TNFRSF10D: variants seen among roughly 807,000 people sequenced by gnomAD.
TNFRSF10D encodes tumor necrosis factor receptor superfamily member 10D.
A neutral mutation model predicts 42.1 loss-of-function variants in TNFRSF10D; 28 were observed. The observed-to-expected ratio is 0.66, with a 90% confidence interval of 0.49 to 0.91. The LOEUF is 0.91. Among genes scored for constraint, TNFRSF10D ranks in the 40% least tolerant of loss-of-function variants. The probability of loss-of-function intolerance (pLI) is 0.00; values close to 1 mark genes in which losing one functional copy is unlikely to be tolerated. For missense variants in TNFRSF10D, 503 were observed against 486.1 expected, an observed-to-expected ratio of 1.03 and a Z score of -0.33; for synonymous variants, 186 against 189.4, an observed-to-expected ratio of 0.98 and a Z score of 0.15.
chr8:23,160,935 T>C (rs1800358346), intron 1 of TNFRSF10D, among the ~76,000 whole-genome samples: 1 of 152,262 alleles, frequency 6.6e-6, no homozygotes, highest in African/African-American at 2.4e-5. Context: ...ACTTGAACTC[T>C]GGCTCCTCTG....
chr8:23,147,725 G>A (rs1322281918), intron 3 of TNFRSF10D, among the ~76,000 whole-genome samples: 1 of 152,044 alleles, frequency 6.6e-6, no homozygotes, highest in Non-Finnish European at 1.5e-5. Flanking sequence ...TCGGGAGTTC[G>A]AGACCAGCCT....
At chr8:23,147,165 T>A in intron 3 of TNFRSF10D, 93 bp from the exon 4 acceptor site, 1 of 1,072,984 alleles carries the variant, frequency 9.3e-7, no homozygotes, top group Non-Finnish European at 1.4e-6. Context: ...TCAGCTCAAC[T>A]CAGTTCACCA....
rs1366932143 is a variant in TNFRSF10D, at chr8:23,137,562, A to G, written c.*308T>C. 1.5e-5 allele frequency: 3 copies of G among 205,196 alleles called. No individual in the cohort carries two copies. In the Admixed American group the frequency reaches 1.6e-4, roughly 11 times the overall value. 12.7% of individuals were successfully genotyped at this position (205,196 alleles called of 1,614,324 possible). On this transcript the variant is annotated 3_prime_UTR_variant, in exon 9 of 9. Transcript: ENST00000312584. ...TCAAGCAATCCACCTGCCTCAGCCT[A>G]TCAAAGTGCTGGGATTACAGGCATG... is the stretch of plus-strand genomic sequence containing the variant.
intron 5 of TNFRSF10D, 32 bp from the exon 6 acceptor site, chr8:23,145,121 G>C (rs1370086819): frequency 1.2e-6 from 2 of 1,613,622 alleles, no homozygotes; most frequent in South Asian, 2.2e-5. Flanking sequence ...GAGCAGGCGG[G>C]GAGGGGCCCA....
In TNFRSF10D at chr8:23,137,751, T is replaced by C. The variant is rs1657957611; in HGVS notation, c.*119A>G. ...CTAGGACCATTGGTAAGCTGCCCCATATTGGATAGTAGAGTTTGTTGGGGC... is the reference window on the plus strand; with the variant it reads ...CTAGGACCATTGGTAAGCTGCCCCACATTGGATAGTAGAGTTTGTTGGGGC... On this transcript the variant is annotated 3_prime_UTR_variant, in exon 9 of 9. Transcript: ENST00000312584. 8 of 1,327,028 alleles carry C rather than the reference T, an allele frequency of 6.0e-6. No homozygotes were observed. Among genetic ancestry groups the C allele is most frequent in the South Asian group, 5.9e-5 (4 of 67,944 alleles). 82.2% of individuals were successfully genotyped at this position (1,327,028 alleles called of 1,614,324 possible).
intron 2 of TNFRSF10D, among the ~76,000 whole-genome samples, chr8:23,149,713 T>C (rs911065012): frequency 6.6e-6 from 1 of 152,106 alleles, no homozygotes; most frequent in Non-Finnish European, 1.5e-5. Context: ...CTGTCATTCC[T>C]AGGGAGGCTG....
In TNFRSF10D at chr8:23,163,893, G is replaced by C. The variant is rs780472613; in HGVS notation, c.43C>G (p.Arg15Gly). The change falls in exon 1 of 9, where the codon CGA becomes GGA. Residue 15 changes from arginine to glycine, a missense_variant. Physicochemically the swap from Arg to Gly is moderately radical, Grantham distance 125. Transcript: ENST00000312584. ...GQSVPTASSA[R>G]AGRYPGARTA... ...CTGGCTCCTGGATAGCGCCCTGCTC[G>C]AGCGCTCGAGGCGGTCGGGACGCTT... The C allele has an allele frequency of 3.1e-4, 495 of 1,593,184 alleles. No individual in the cohort carries two copies. In the African/African-American group the frequency reaches 5.2e-3, roughly 17 times the overall value.
chr8:23,161,605 G>T (rs1229590129), intron 1 of TNFRSF10D, among the ~76,000 whole-genome samples: 900 of 152,142 alleles, frequency 5.9e-3, no homozygotes, highest in African/African-American at 0.019. Context: ...TGTCTCATCT[G>T]GATCCCCCGG....
intron 3 of TNFRSF10D, 40 bp downstream of exon 3, chr8:23,148,398 T>C (rs1352412320): frequency 2.0e-6 from 3 of 1,525,844 alleles, no homozygotes; most frequent in Admixed American, 1.7e-5. Flanking sequence ...CTCATCACTA[T>C]GCACTCCACC....
intron 3 of TNFRSF10D, 104 bp downstream of exon 3, chr8:23,148,334 T>C (rs1800155679): frequency 1.4e-6 from 1 of 697,028 alleles, no homozygotes; most frequent in South Asian, 2.0e-5. Flanking sequence ...TGATGAAGAC[T>C]ACCAAGTTGG....
chr8:23,139,383 CTG>C (rs1234160635), intron 7 of TNFRSF10D, among the ~76,000 whole-genome samples: 3 of 152,076 alleles, frequency 2.0e-5, no homozygotes, highest in African/African-American at 7.2e-5. Flanking sequence ...AAAACGGCAA[CTG>C]AGGTTTTTCG....
chr8:23,144,859 G>A (rs879840706), intron 6 of TNFRSF10D, among the ~76,000 whole-genome samples, 199 bp downstream of exon 6: 6 of 152,172 alleles, frequency 3.9e-5, no homozygotes, highest in Non-Finnish European at 7.3e-5. Context: ...AGGAAGGACA[G>A]GGCTGCAGCA....
At chr8:23,140,259 A>G (rs1382177225) in intron 7 of TNFRSF10D, among the ~76,000 whole-genome samples, 1 of 152,140 alleles carries the variant, frequency 6.6e-6, no homozygotes. Flanking sequence ...ACTGCACTCC[A>G]GCCTGGGTGA....
At chr8:23,163,473 T>C (rs1187837538) in intron 1 of TNFRSF10D, among the ~76,000 whole-genome samples, 1 of 152,098 alleles carries the variant, frequency 6.6e-6, no homozygotes, top group East Asian at 1.9e-4. Flanking sequence ...CTTCCTGAGG[T>C]TCACTCCGGG....
chr8:23,140,068 T>G (rs963665797), intron 7 of TNFRSF10D, among the ~76,000 whole-genome samples: 1 of 152,100 alleles, frequency 6.6e-6, no homozygotes. Flanking sequence ...GGAGGGCGGA[T>G]CACAAGGTCA....
chr8:23,139,927 C>T (rs548145114), intron 7 of TNFRSF10D, among the ~76,000 whole-genome samples: 63 of 152,232 alleles, frequency 4.1e-4, no homozygotes, highest in Non-Finnish European at 7.2e-4. Context: ...AGGCGGATCA[C>T]GATGTCAAGA....
rs1585255442 is a variant in TNFRSF10D at position 23,136,172 on chromosome 8, C to T, written c.*1698G>A. 1 of 262,704 alleles carries T rather than the reference C, an allele frequency of 3.8e-6. No individual in the cohort carries two copies. The highest frequency in any genetic ancestry group is 7.6e-6 in the Non-Finnish European group (1 of 131,500). 16.3% of individuals were successfully genotyped at this position (262,704 alleles called of 1,614,324 possible). ...ATATCCGTAATTTATCCTACCACGA[C>T]TGGGCTACTGTGGAGAAGAGTTTGC... On this transcript the variant is annotated 3_prime_UTR_variant, in exon 9 of 9. Transcript: ENST00000312584.
rs377550648 is a variant in TNFRSF10D, at chr8:23,138,403, A to T, written c.955-143T>A. 1.0e-3 allele frequency: 794 copies of T among 785,402 alleles called. No individual in the cohort carries two copies. In the South Asian group the frequency reaches 0.01, roughly 10 times the overall value. 48.7% of individuals were successfully genotyped at this position (785,402 alleles called of 1,614,324 possible). ...GATGGAGACAAACCTCTGGTCCTCC[A>T]TAGCTCTTGGGCTCTGTGTGCTGGT... On this transcript the variant is annotated intron_variant, in intron 7 of 8. Coordinates refer to ENST00000312584, the MANE Select transcript of TNFRSF10D (RefSeq NM_003840.5).
At chr8:23,143,933 G>A (rs925221112) in intron 7 of TNFRSF10D, among the ~76,000 whole-genome samples, 4 of 152,108 alleles carry the variant, frequency 2.6e-5, no homozygotes, top group Admixed American at 6.5e-5. Context: ...CTAGTGAATC[G>A]ATGTGAATAA....
Sources: allele counts gnomAD v4.1 joint callset (sites outside exome capture counted in the v4.1 genomes callset), GRCh38; gene constraint gnomAD v4.1.1; transcripts MANE v1.5; gene names NCBI Gene and HGNC (gene_info 2026-07-23, HGNC 2026-07-21).